Variants in ZNF248 observed in about 807,000 individuals in gnomAD.
ZNF248 encodes the protein zinc finger protein 248, also known as KRAB protein domain.
ZNF248 carries 20 observed loss-of-function variants against 44.3 expected under a neutral mutation model. The observed-to-expected ratio is 0.45, with a 90% confidence interval of 0.32 to 0.66. The LOEUF (loss-of-function observed/expected upper bound fraction) is 0.66, where lower values mean the gene tolerates loss of function less well. Among genes scored for constraint, ZNF248 ranks in the 30% least tolerant of loss-of-function variants. ZNF248 has a pLI of 0.04. For missense variants in ZNF248, 654 were observed against 677.0 expected (o/e 0.97, Z 0.38); for synonymous variants, 224 against 229.0 (o/e 0.98, Z 0.20).
At chr10:37,776,596 T>C in intron 6 of ZNF248, 1 of 398,294 alleles carries the variant, frequency 2.5e-6, no homozygotes, top group Non-Finnish European at 4.4e-6. Context: ...AAAATCATTT[T>C]ACTCAGAAAC....
the ZNF248 span, among the ~76,000 whole-genome samples, chr10:37,758,757 CTT>C: frequency 6.6e-6 from 1 of 152,112 alleles, no homozygotes; most frequent in East Asian, 1.9e-4. Context: ...TTGTTATTAT[CTT>C]TTGAGATATT....
At chr10:37,852,766 C>T (rs1228839080) in intron 3 of ZNF248, among the ~76,000 whole-genome samples, 2 of 150,750 alleles carry the variant, frequency 1.3e-5, no homozygotes, top group African/African-American at 4.9e-5. Flanking sequence ...ACAGTACACA[C>T]ATTTTGTGTT....
At chr10:37,847,715 CTTACTGA>C (rs1179714407) in intron 3 of ZNF248, among the ~76,000 whole-genome samples, 1 of 151,014 alleles carries the variant, frequency 6.6e-6, no homozygotes, top group African/African-American at 2.4e-5. Flanking sequence ...TTCAGAGATA[CTTACTGA>C]TATGTTTACA....
At chr10:37,804,343 T>C (rs2050240347) in intron 6 of ZNF248, among the ~76,000 whole-genome samples, 4 of 152,120 alleles carry the variant, frequency 2.6e-5, no homozygotes, top group African/African-American at 2.4e-5. Context: ...GTAACTAGCA[T>C]TACTACTTAA....
At chr10:37,820,951 C>T (rs1282670056) in intron 6 of ZNF248, 8 of 1,595,342 alleles carry the variant, frequency 5.0e-6, no homozygotes, top group Middle Eastern at 3.9e-4. Context: ...TTCCTGCCGT[C>T]GTGGGTCCAG....
At position 37,821,274 on chromosome 10, in the gene ZNF248, C is replaced by T. The variant is rs371232888; in HGVS notation, c.330+11751G>A. On this transcript the variant is annotated intron_variant, in intron 6 of 6. Coordinates refer to the ZNF248 transcript ENST00000615949. ...TAGGATTTCCTTGGTTCTTATTTAA[C>T]TCTCAGAATAACCCCACAAAGTAGG... 1.5e-4 allele frequency among the ~76,000 whole-genome samples: 23 copies of T among 149,660 alleles called. No individual in the cohort carries two copies. In the East Asian group the frequency reaches 4.4e-3, roughly 29 times the overall value.
the ZNF248 span, among the ~76,000 whole-genome samples, chr10:37,767,057 G>T: frequency 6.6e-6 from 1 of 151,824 alleles, no homozygotes; most frequent in East Asian, 1.9e-4. Context: ...AATGAAGCAA[G>T]AAGGGAAGTT....
intron 6 of ZNF248, chr10:37,803,414 C>T (rs1477258308): frequency 6.6e-6 from 1 of 152,250 alleles, no homozygotes; most frequent in Non-Finnish European, 1.5e-5. Context: ...TGCTGCCTGC[C>T]CCTTGCTCAT....
chr10:37,801,971 A>G (rs902846077), intron 6 of ZNF248, among the ~76,000 whole-genome samples: 8 of 152,192 alleles, frequency 5.3e-5, no homozygotes, highest in African/African-American at 1.9e-4. Flanking sequence ...TTGCTGTCAG[A>G]AAGATCAGAG....
intron 6 of ZNF248, among the ~76,000 whole-genome samples, chr10:37,814,694 T>C (rs1484006157): frequency 6.6e-6 from 1 of 152,240 alleles, no homozygotes; most frequent in Non-Finnish European, 1.5e-5. Flanking sequence ...CTTCAGCATT[T>C]TGAACATTTC....
chr10:37,837,106 GT>G (rs1238534258), intron 5 of ZNF248, among the ~76,000 whole-genome samples: 42 of 148,756 alleles, frequency 2.8e-4, no homozygotes, highest in Middle Eastern at 3.5e-3. Context: ...AAAAGTGTTT[GT>G]TTTTTTTTGT....
the ZNF248 span, among the ~76,000 whole-genome samples, chr10:37,762,947 T>TA: frequency 6.6e-6 from 1 of 152,144 alleles, no homozygotes; most frequent in East Asian, 1.9e-4. Flanking sequence ...ATTATTTTTT[T>TA]AAAAAAATGT....
At chr10:37,856,149 C>T in intron 3 of ZNF248, 147 bp downstream of exon 3, 1 of 777,574 alleles carries the variant, frequency 1.3e-6, no homozygotes, top group Non-Finnish European at 2.0e-6. Context: ...TTGCCAACTG[C>T]ACTATTTTGG....
At chr10:37,813,027 A>G (rs1188235039) in intron 6 of ZNF248, among the ~76,000 whole-genome samples, 1 of 105,680 alleles carries the variant, frequency 9.5e-6, no homozygotes, top group Non-Finnish European at 2.1e-5. Flanking sequence ...GGCAAAAAGA[A>G]AAAAAAAAAA....
chr10:37,769,603 A>G, the ZNF248 span, among the ~76,000 whole-genome samples: 1 of 152,168 alleles, frequency 6.6e-6, no homozygotes, highest in Non-Finnish European at 1.5e-5. Context: ...CAATAAATTA[A>G]GTATTGACGG....
chr10:37,829,347 A>C lies in ZNF248; in HGVS notation c.*2268T>G. On this transcript the variant is annotated 3_prime_UTR_variant, in exon 6 of 6. Coordinates refer to ENST00000395867, the MANE Select transcript of ZNF248 (RefSeq NM_021045.3). Reference sequence around the variant, plus strand: ...CTTGTTTCTGGCCCACACCACTGTAATCAGTCTGCCATTAAAATATTTTTA... The same window carrying C: ...CTTGTTTCTGGCCCACACCACTGTACTCAGTCTGCCATTAAAATATTTTTA... The C allele has an allele frequency of 1.0e-6, 1 of 985,434 alleles. No individual in the cohort carries two copies. Among genetic ancestry groups the C allele is most frequent in the Non-Finnish European group, 1.2e-6 (1 of 829,936 alleles). 61.0% of individuals were successfully genotyped at this position (985,434 alleles called of 1,614,324 possible).
chr10:37,794,508 C>T (rs181897604), intron 6 of ZNF248: 3 of 163,028 alleles, frequency 1.8e-5, no homozygotes, highest in Middle Eastern at 7.3e-4. Flanking sequence ...GTTTCTCCCC[C>T]GTGTGTTTTC....
intron 3 of ZNF248, among the ~76,000 whole-genome samples, chr10:37,841,765 T>C (rs1301824675): frequency 6.6e-6 from 1 of 152,232 alleles, no homozygotes; most frequent in Non-Finnish European, 1.5e-5. Flanking sequence ...CTTGATAGGA[T>C]GTGACTGAAT....
chr10:37,768,317 A>G, the ZNF248 span, among the ~76,000 whole-genome samples: 1 of 152,234 alleles, frequency 6.6e-6, no homozygotes, highest in Admixed American at 6.5e-5. Context: ...AATCTACAGA[A>G]TATACATTTG....
Sources: allele counts gnomAD v4.1 joint callset (sites outside exome capture counted in the v4.1 genomes callset), GRCh38; gene constraint gnomAD v4.1.1; transcripts MANE v1.5; gene names NCBI Gene and HGNC (gene_info 2026-07-23, HGNC 2026-07-21).